MECOM: variants seen among roughly 807,000 people sequenced by gnomAD.
The protein encoded by MECOM is histone-lysine N-methyltransferase MECOM.
In MECOM, 13 loss-of-function variants were observed where a neutral mutation model predicts 116.3. That is an observed-to-expected ratio of 0.11 (90% CI 0.07 to 0.18). MECOM has a LOEUF of 0.18. MECOM is among the 10% of genes least tolerant of loss of function. MECOM has a pLI of 1.00. For missense variants in MECOM, 1,299 were observed against 1,509.0 expected (o/e 0.86, Z 2.31); for synonymous variants, 528 against 535.2 (o/e 0.99, Z 0.19).
intron 1 of MECOM, among the ~76,000 whole-genome samples, chr3:169,573,429 C>T (rs1312263645): frequency 1.3e-5 from 2 of 152,108 alleles, no homozygotes; most frequent in African/African-American, 2.4e-5. Flanking sequence ...TGTAGGCTCC[C>T]GTGGGCTGGT....
At chr3:169,657,333 G>A (rs1368919831) in intron 1 of MECOM, among the ~76,000 whole-genome samples, 1 of 152,216 alleles carries the variant, frequency 6.6e-6, no homozygotes, top group African/African-American at 2.4e-5. Flanking sequence ...GTGAGAGAAT[G>A]GCTTCACAAT....
chr3:169,289,729 G>A (rs773724058), intron 2 of MECOM, among the ~76,000 whole-genome samples: 3 of 152,224 alleles, frequency 2.0e-5, no homozygotes, highest in Admixed American at 6.5e-5. Flanking sequence ...TGTAGTGCTC[G>A]GGCAGGGGAA....
chr3:169,413,478 G>GT (rs1192191684), intron 1 of MECOM, among the ~76,000 whole-genome samples: 6,122 of 96,928 alleles, frequency 0.063, 379 homozygotes, highest in Admixed American at 0.27. Flanking sequence ...TTTTTTTTTT[G>GT]TTTTTTTTTT....
chr3:169,568,224 G>A (rs990436770), intron 1 of MECOM, among the ~76,000 whole-genome samples: 10 of 152,154 alleles, frequency 6.6e-5, no homozygotes, highest in Non-Finnish European at 1.0e-4. Context: ...TTCACAACCC[G>A]CAGACCAGGA....
intron 1 of MECOM, among the ~76,000 whole-genome samples, chr3:169,568,513 G>A (rs1189011704): frequency 2.6e-5 from 4 of 152,200 alleles, no homozygotes; most frequent in South Asian, 4.1e-4. Flanking sequence ...GTCCACCTGG[G>A]ACATTTGAGC....
chr3:169,353,882 T>C (rs1299191411), intron 2 of MECOM, among the ~76,000 whole-genome samples: 1 of 151,798 alleles, frequency 6.6e-6, no homozygotes, highest in Admixed American at 6.6e-5. Flanking sequence ...GTATGACATT[T>C]CCCCCCAGTT....
chr3:169,566,847 G>A (rs1326991935), intron 1 of MECOM, among the ~76,000 whole-genome samples: 1 of 152,216 alleles, frequency 6.6e-6, no homozygotes, highest in Admixed American at 6.5e-5. Context: ...TCCACCTTGG[G>A]AACAACTTCT....
chr3:169,345,019 T>G (rs1249423676), intron 2 of MECOM, among the ~76,000 whole-genome samples: 1 of 152,130 alleles, frequency 6.6e-6, no homozygotes, highest in African/African-American at 2.4e-5. Context: ...CTGCTGCACA[T>G]TATCACAGTA....
chr3:169,101,989 C>G, intron 11 of MECOM, 71 bp downstream of exon 11: 1 of 1,459,858 alleles, frequency 6.8e-7, no homozygotes, highest in South Asian at 1.5e-5. Context: ...ATTTCCAAAA[C>G]AAACAGCAAG....
chr3:169,238,816 A>G (rs1468329127), intron 2 of MECOM, among the ~76,000 whole-genome samples: 1 of 152,118 alleles, frequency 6.6e-6, no homozygotes, highest in East Asian at 1.9e-4. Context: ...GTGGTAGAAA[A>G]ACCACTATGA....
chr3:169,094,817 T>C (rs1560124308), intron 13 of MECOM, among the ~76,000 whole-genome samples: 1 of 152,242 alleles, frequency 6.6e-6, no homozygotes, highest in Non-Finnish European at 1.5e-5. Context: ...CCTGCGAGTT[T>C]AGGTCATTGT....
chr3:169,180,793 T>TTATATATATATATATATATATATATA lies in MECOM; in HGVS notation c.376-36962_376-36961insTATATATATATATATATATATATATA, dbSNP rs1415631608. On this transcript the variant is annotated intron_variant, in intron 2 of 16. Coordinates refer to ENST00000651503, the MANE Select transcript of MECOM (RefSeq NM_004991.4). ...TTATGTATGTGTGTGTGTGTGGAGA[T>TTATATATATATATATATATATATATA]GATATATATATATATATATATCAGG... 1.1e-3 allele frequency among the ~76,000 whole-genome samples: 77 copies of TTATATATATATATATATATATATATA among 71,150 alleles called. 5 individuals carry two copies. The East Asian group carries it at 0.015, about 14-fold the overall frequency. 46.7% of individuals were successfully genotyped at this position (71,150 alleles called of 152,430 possible).
chr3:169,661,917 G>C (rs950601834), intron 1 of MECOM, among the ~76,000 whole-genome samples: 3 of 152,218 alleles, frequency 2.0e-5, no homozygotes, highest in Non-Finnish European at 4.4e-5. Flanking sequence ...GTGTGGGAGA[G>C]AGAACCGCGG....
chr3:169,382,804 T>C (rs1732628556), intron 1 of MECOM, among the ~76,000 whole-genome samples: 1 of 141,574 alleles, frequency 7.1e-6, no homozygotes, highest in African/African-American at 2.6e-5. Context: ...GCTATGATTG[T>C]GTCACTGCTG....
At chr3:169,298,729 C>T (rs1016494450) in intron 2 of MECOM, among the ~76,000 whole-genome samples, 2 of 152,026 alleles carry the variant, frequency 1.3e-5, no homozygotes, top group African/African-American at 4.8e-5. Context: ...GTAAAGACAC[C>T]AGTTTAGAGA....
chr3:169,221,998 T>C (rs757432490), intron 2 of MECOM, among the ~76,000 whole-genome samples: 6 of 152,102 alleles, frequency 3.9e-5, no homozygotes, highest in Non-Finnish European at 5.9e-5. Context: ...AGTTGCGCCA[T>C]CATGTCACTA....
intron 3 of MECOM, among the ~76,000 whole-genome samples, chr3:169,143,177 CA>C (rs901032590): frequency 4.0e-5 from 6 of 151,490 alleles, no homozygotes; most frequent in African/African-American, 7.3e-5. Context: ...TAACATATAC[CA>C]AAAAAAGTAT....
intron 1 of MECOM, among the ~76,000 whole-genome samples, chr3:169,623,209 A>G (rs1290231196): frequency 1.3e-5 from 2 of 152,208 alleles, no homozygotes; most frequent in African/African-American, 4.8e-5. Context: ...CGTAATCTGC[A>G]TATAAACCCA....
chr3:169,164,910 C>T (rs1743345139), intron 2 of MECOM, among the ~76,000 whole-genome samples: 1 of 152,140 alleles, frequency 6.6e-6, no homozygotes. Flanking sequence ...CACTTGTGGT[C>T]TGCATCCTGG....
Sources: allele counts gnomAD v4.1 joint callset (sites outside exome capture counted in the v4.1 genomes callset), GRCh38; gene constraint gnomAD v4.1.1; transcripts MANE v1.5; gene names NCBI Gene and HGNC (gene_info 2026-07-23, HGNC 2026-07-21).